TRAPPC9: variants seen among roughly 807,000 people sequenced by gnomAD.
The protein encoded by TRAPPC9 is trafficking protein particle complex subunit 9, also known as IKK2 binding protein.
Under a neutral mutation model 124.0 loss-of-function variants are expected in TRAPPC9, and 83 were observed. That is an observed-to-expected ratio of 0.67 (90% CI 0.56 to 0.80). TRAPPC9 has a LOEUF of 0.80. Ranked by LOEUF, TRAPPC9 falls within the 30% of genes least tolerant of loss-of-function variation. The pLI is 0.00. For synonymous variants in TRAPPC9, 638 were observed against 617.5 expected (o/e 1.03, Z -0.49); for missense variants, 1,302 against 1,508.3 (o/e 0.86, Z 2.27).
chr8:140,287,819 T>C (rs996662512), intron 12 of TRAPPC9, 85 bp from the exon 13 acceptor site: 8 of 1,574,556 alleles, frequency 5.1e-6, no homozygotes, highest in Non-Finnish European at 7.0e-6. Flanking sequence ...ACATTGGCTA[T>C]GGCACATCGG....
intron 19 of TRAPPC9, among the ~76,000 whole-genome samples, chr8:139,930,998 G>A (rs188421273): frequency 4.6e-5 from 7 of 152,294 alleles, no homozygotes; most frequent in African/African-American, 1.7e-4. Flanking sequence ...CAGCCCTCAG[G>A]TCATGGAGCC....
intron 17 of TRAPPC9, among the ~76,000 whole-genome samples, chr8:140,060,662 C>T (rs1842555916): frequency 6.7e-6 from 1 of 148,972 alleles, no homozygotes; most frequent in Admixed American, 6.8e-5. Context: ...GAATTGGCTT[C>T]TCTGCCCTCA....
intron 19 of TRAPPC9, among the ~76,000 whole-genome samples, chr8:139,936,446 C>T (rs112977558): frequency 0.013 from 2,002 of 152,218 alleles, 44 homozygotes; most frequent in African/African-American, 0.046. Context: ...CACCTATATG[C>T]GGAGCTGTGG....
intron 9 of TRAPPC9, among the ~76,000 whole-genome samples, chr8:140,333,395 TTTG>T (rs200163813): frequency 0.016 from 2,419 of 152,210 alleles, 68 homozygotes; most frequent in African/African-American, 0.056. Context: ...TTTTGTTTTG[TTTG>T]TTGTTGTTGT....
At chr8:140,078,958 T>C (rs1843659017) in intron 17 of TRAPPC9, among the ~76,000 whole-genome samples, 3 of 152,168 alleles carry the variant, frequency 2.0e-5, no homozygotes, top group Admixed American at 1.3e-4. Context: ...AAATCTTATC[T>C]TGAATTGTAG....
chr8:139,742,526 G>A lies in TRAPPC9; in HGVS notation c.3056-10324C>T, dbSNP rs1436635323. Among the ~76,000 whole-genome samples the A allele has an allele frequency of 6.6e-6, 1 of 152,194 alleles. No individual in the cohort carries two copies. Among genetic ancestry groups the A allele is most frequent in the Non-Finnish European group, 1.5e-5 (1 of 68,048 alleles). ...CCTCAAGCACAGCACAACACAACAT[G>A]CAATCAGGGACCAGGCAAGTCAGGG... On this transcript the variant is annotated intron_variant, in intron 21 of 22. Coordinates refer to ENST00000438773, the MANE Select transcript of TRAPPC9 (RefSeq NM_001160372.4). This position sits in a 1 kb window ranked among gnomAD's most constrained non-coding sequence, Gnocchi z 4.7.
chr8:140,315,899 C>G (rs1207307829), intron 9 of TRAPPC9, among the ~76,000 whole-genome samples: 3 of 152,108 alleles, frequency 2.0e-5, no homozygotes, highest in Non-Finnish European at 4.4e-5. Context: ...TCCTATAATT[C>G]TGATATGACT....
chr8:140,002,157 C>G (rs1010112730), intron 18 of TRAPPC9, among the ~76,000 whole-genome samples: 9 of 151,542 alleles, frequency 5.9e-5, no homozygotes, highest in Non-Finnish European at 1.3e-4. Context: ...CCCTTCATAC[C>G]AATAATACTC....
chr8:139,848,160 G>C (rs1036300806), intron 21 of TRAPPC9, among the ~76,000 whole-genome samples: 1 of 152,232 alleles, frequency 6.6e-6, no homozygotes, highest in African/African-American at 2.4e-5. Context: ...CCTAGGTCTA[G>C]ACAGGACTGC....
At chr8:140,094,753 C>T (rs1017710938) in intron 17 of TRAPPC9, 4 of 152,262 alleles carry the variant, frequency 2.6e-5, no homozygotes, top group Admixed American at 6.5e-5. Context: ...ACTCTGGGTC[C>T]GAATCCCAGC....
At chr8:140,131,256 G>A (rs2061204056) in intron 17 of TRAPPC9, among the ~76,000 whole-genome samples, 1 of 152,146 alleles carries the variant, frequency 6.6e-6, no homozygotes. Context: ...CTGGGTAATA[G>A]GGTACAGACT....
At position 140,057,827 on chromosome 8, in the gene TRAPPC9, T is replaced by C. The variant is rs962434117; in HGVS notation, c.2557-33748A>G. ...AAATTTGTTAAAAACCATCTCAAGGTTACATGTTCTTCCCACAATGGAAAA... is the reference window on the plus strand; with the variant it reads ...AAATTTGTTAAAAACCATCTCAAGGCTACATGTTCTTCCCACAATGGAAAA... On this transcript the variant is annotated intron_variant, in intron 17 of 22. Transcript: ENST00000438773. 2.8e-4 allele frequency among the ~76,000 whole-genome samples: 42 copies of C among 152,210 alleles called. 1 individual carries two copies. Among genetic ancestry groups the C allele is most frequent in the Non-Finnish European group, 8.8e-5 (6 of 68,036 alleles).
chr8:140,015,290 G>A (rs540371992), intron 18 of TRAPPC9, among the ~76,000 whole-genome samples: 27 of 152,286 alleles, frequency 1.8e-4, no homozygotes, highest in African/African-American at 5.3e-4. Context: ...AAAACTCTCC[G>A]GGCCTCGTTT....
At chr8:140,399,126 C>T (rs115795151) in intron 6 of TRAPPC9, among the ~76,000 whole-genome samples, 2,123 of 152,330 alleles carry the variant, frequency 0.014, 48 homozygotes, top group African/African-American at 0.037. Context: ...GGGAAGTTTC[C>T]GCCTAGATTT....
At chr8:139,923,786 C>A (rs1045199587) in intron 19 of TRAPPC9, among the ~76,000 whole-genome samples, 1 of 152,208 alleles carries the variant, frequency 6.6e-6, no homozygotes, top group Non-Finnish European at 1.5e-5. Flanking sequence ...CTGGAGAGAA[C>A]GACTCAGTAG....
In TRAPPC9 at chr8:139,729,415, G is replaced by C. The variant is rs1817696054; in HGVS notation, c.*1646C>G. 6.6e-6 allele frequency among the ~76,000 whole-genome samples: 1 copy of C among 152,230 alleles called. No homozygotes were observed. Among genetic ancestry groups the C allele is most frequent in the Non-Finnish European group, 1.5e-5 (1 of 68,042 alleles). ...GCCCTCAACTACGCTGAGGCATCCT[G>C]AACGGAAGGGCTGAAGAGACCGCCC... On this transcript the variant is annotated 3_prime_UTR_variant, in exon 23 of 23. Transcript: ENST00000438773.
chr8:140,326,317 G>T (rs2066737070), intron 9 of TRAPPC9, among the ~76,000 whole-genome samples: 1 of 152,072 alleles, frequency 6.6e-6, no homozygotes, highest in Non-Finnish European at 1.5e-5. Context: ...AACCTTCCCT[G>T]GTGACTCTGC....
chr8:140,251,527 C>T (rs915387003), intron 16 of TRAPPC9, among the ~76,000 whole-genome samples: 2 of 152,190 alleles, frequency 1.3e-5, no homozygotes, highest in Admixed American at 1.3e-4. Context: ...CAGCACTATA[C>T]AAGAAGCTCA....
At chr8:140,112,562 G>A (rs904329568) in intron 17 of TRAPPC9, among the ~76,000 whole-genome samples, 89 of 152,194 alleles carry the variant, frequency 5.8e-4, no homozygotes, top group African/African-American at 1.7e-3. Context: ...CAGGCTGGAC[G>A]CTGGAGATGC....
Sources: gnomAD v4.1 joint callset for allele counts (sites outside exome capture counted in the v4.1 genomes callset) on GRCh38, gnomAD v4.1.1 for gene constraint, Gnocchi (gnomAD v3.1) non-coding constraint, MANE v1.5 for transcripts, NCBI Gene and HGNC (gene_info 2026-07-23, HGNC 2026-07-21) for gene names.